SLC13A4: variants seen among roughly 807,000 people sequenced by gnomAD.
SLC13A4 encodes the protein Na(+)/sulfate cotransporter SUT-1.
A neutral mutation model predicts 72.7 loss-of-function variants in SLC13A4; 28 were observed. That is an observed-to-expected ratio of 0.39 (90% CI 0.29 to 0.53). The LOEUF (loss-of-function observed/expected upper bound fraction) is 0.53, where lower values mean the gene tolerates loss of function less well. Ranked by LOEUF, SLC13A4 falls within the 20% of genes least tolerant of loss-of-function variation. SLC13A4 has a pLI of 0.78. For missense variants in SLC13A4, 653 were observed against 788.0 expected (o/e 0.83, Z 2.05); for synonymous variants, 312 against 325.5 (o/e 0.96, Z 0.45).
rs921183664 is a variant in SLC13A4, at chr7:135,708,379, G to T, written c.229-129C>A. On this transcript the variant is annotated intron_variant, in intron 2 of 15. Transcript: ENST00000682651. ...AAAGAGGCTGGCGAAGGGGAGGCAG[G>T]GGGGTGAGGATTATTGAAATAGCCG... 2.3e-5 allele frequency: 29 copies of T among 1,283,426 alleles called. No individual in the cohort carries two copies. The East Asian group carries it at 6.6e-4, about 29-fold the overall frequency. The allele number at this position is 1,283,426 out of a possible 1,614,324, so 79.5% of individuals were successfully genotyped here. A position where few individuals can be genotyped will look rare whatever the true frequency, so the allele number is the denominator to read the frequency against.
At chr7:135,718,989 A>T (rs1051403219) in intron 2 of SLC13A4, among the ~76,000 whole-genome samples, 2 of 152,236 alleles carry the variant, frequency 1.3e-5, no homozygotes, top group Non-Finnish European at 2.9e-5. Context: ...TATTTGGACT[A>T]AGCTGCTCCC....
At chr7:135,692,681 A>C in intron 10 of SLC13A4, 1 of 416,930 alleles carries the variant, frequency 2.4e-6, no homozygotes, top group South Asian at 3.2e-5. Flanking sequence ...TTTGTAAAAT[A>C]ATTTCAAATA....
At chr7:135,681,836 T>C in intron 15 of SLC13A4, 136 bp from the exon 16 acceptor site, 1 of 1,217,106 alleles carries the variant, frequency 8.2e-7, no homozygotes, top group Non-Finnish European at 1.1e-6. Flanking sequence ...TGCTCTAGCA[T>C]TGCCTTGTAG....
chr7:135,695,278 C>T (rs1023565893), intron 9 of SLC13A4, 90 bp downstream of exon 9: 3 of 1,560,962 alleles, frequency 1.9e-6, no homozygotes, highest in Non-Finnish European at 1.7e-6. Context: ...TTGGCAGTCC[C>T]CCTTGCACAG....
At chr7:135,708,737 A>G (rs1465689434) in intron 2 of SLC13A4, among the ~76,000 whole-genome samples, 1 of 152,112 alleles carries the variant, frequency 6.6e-6, no homozygotes, top group Admixed American at 6.5e-5. Context: ...AAATATAAAA[A>G]AAGTTAAAGA....
chr7:135,701,566 G>T, intron 7 of SLC13A4, 114 bp downstream of exon 7: 1 of 1,006,418 alleles, frequency 9.9e-7, no homozygotes, highest in South Asian at 1.4e-5. Context: ...AGTAATGAGT[G>T]CCTGGTGACA....
rs1795498800 is a variant in SLC13A4 at position 135,681,463 on chromosome 7, T to A, written c.*100A>T. On this transcript the variant is annotated 3_prime_UTR_variant, in exon 16 of 16. Transcript: ENST00000682651. ...GATGCCCTCCGGCGTGGGTCTGGGG[T>A]TGTGTGCTCCTGGTGGTCCTAGTGG... is the stretch of plus-strand genomic sequence containing the variant. 6.1e-6 allele frequency: 9 copies of A among 1,479,350 alleles called. No homozygotes were observed. The East Asian group carries it at 2.1e-4, about 34-fold the overall frequency. The allele number at this position is 1,479,350 out of a possible 1,614,324, so 91.6% of individuals were successfully genotyped here. A position where few individuals can be genotyped will look rare whatever the true frequency, so the allele number is the denominator to read the frequency against.
chr7:135,683,297 A>C (rs1795545732), intron 15 of SLC13A4: 1 of 131,726 alleles, frequency 7.6e-6, no homozygotes, highest in Non-Finnish European at 1.4e-5. Flanking sequence ...ATTCTGTCTC[A>C]AAAAAAAAAA....
intron 8 of SLC13A4, among the ~76,000 whole-genome samples, chr7:135,698,822 A>G (rs953910647): frequency 6.6e-6 from 1 of 151,168 alleles, no homozygotes; most frequent in South Asian, 2.1e-4. Context: ...TTTAGTAGAG[A>G]CGGAGTTTCA....
rs1364177363 is a variant in SLC13A4, at chr7:135,707,969, G to A, written c.365+145C>T. 4.4e-6 allele frequency: 4 copies of A among 907,426 alleles called. No individual in the cohort carries two copies. In the South Asian group the frequency reaches 5.1e-5, roughly 11 times the overall value. 56.2% of individuals were successfully genotyped at this position (907,426 alleles called of 1,614,324 possible). On this transcript the variant is annotated intron_variant, in intron 3 of 15. Transcript: ENST00000682651. ...TGATCACAGGCCCTCTCCCTGGACG[G>A]GTCCTATGGCTCTGGTGTCAGCCCG...
rs1273711854 is a variant in SLC13A4, at chr7:135,702,901, G to A, written c.594-17C>T. 1.9e-6 allele frequency: 3 copies of A among 1,608,266 alleles called. No individual in the cohort carries two copies. Among genetic ancestry groups the A allele is most frequent in the South Asian group, 1.1e-5 (1 of 90,954 alleles). On this transcript the variant is annotated splice_polypyrimidine_tract_variant and intron_variant, in intron 5 of 15. Coordinates refer to ENST00000682651, the MANE Select transcript of SLC13A4 (RefSeq NM_001318192.2). Reference sequence around the variant, plus strand: ...TTGGACCTGCTGGAACCAAGCAGAGGACACAGGAGCCACGTCAGTGAGGCC... The same window carrying A: ...TTGGACCTGCTGGAACCAAGCAGAGAACACAGGAGCCACGTCAGTGAGGCC...
intron 14 of SLC13A4, 33 bp from the exon 15 acceptor site, chr7:135,684,294 G>A: frequency 6.4e-7 from 1 of 1,570,806 alleles, no homozygotes; most frequent in Non-Finnish European, 8.7e-7. Context: ...ACATTCACGA[G>A]ATTAGGCTTG....
intron 7 of SLC13A4, among the ~76,000 whole-genome samples, chr7:135,699,867 A>T (rs1795991751): frequency 6.6e-6 from 1 of 152,170 alleles, no homozygotes; most frequent in African/African-American, 2.4e-5. Context: ...GTTATTATTG[A>T]CAGCATGGGT....
At chr7:135,712,350 A>T (rs1796323014) in intron 2 of SLC13A4, among the ~76,000 whole-genome samples, 1 of 151,646 alleles carries the variant, frequency 6.6e-6, no homozygotes, top group African/African-American at 2.4e-5. Flanking sequence ...GTTTGTGATT[A>T]CAGAGGTAAC....
chr7:135,687,188 A>C (rs1383118268), intron 13 of SLC13A4, among the ~76,000 whole-genome samples: 6 of 152,210 alleles, frequency 3.9e-5, no homozygotes, highest in Admixed American at 3.9e-4. Flanking sequence ...GTTTTGTATT[A>C]AAAACTCCAG....
At chr7:135,707,206 A>G (rs1377678396) in intron 3 of SLC13A4, among the ~76,000 whole-genome samples, 6 of 152,146 alleles carry the variant, frequency 3.9e-5, no homozygotes, top group Non-Finnish European at 8.8e-5. Context: ...AGAGGATAAA[A>G]ATTCTTGCAG....
chr7:135,696,222 C>T lies in SLC13A4; in HGVS notation c.900-735G>A, dbSNP rs1262472489. Among the ~76,000 whole-genome samples the T allele has an allele frequency of 3.9e-5, 6 of 152,284 alleles. No individual in the cohort carries two copies. In the East Asian group the frequency reaches 1.2e-3, roughly 29 times the overall value. On this transcript the variant is annotated intron_variant, in intron 8 of 15. Transcript: ENST00000682651. ...AAAACTCCTCAAGTTGTGAGACATC[C>T]CTCTATCAGTGATCCCTTCTCCCAG...
intron 7 of SLC13A4, 70 bp downstream of exon 7, chr7:135,701,610 C>T (rs934007649): frequency 6.8e-7 from 1 of 1,473,060 alleles, no homozygotes; most frequent in Non-Finnish European, 9.5e-7. Context: ...GACTTCAAGA[C>T]CAGTGCCCTT....
At chr7:135,716,075 G>C (rs1796428064) in intron 2 of SLC13A4, among the ~76,000 whole-genome samples, 1 of 152,126 alleles carries the variant, frequency 6.6e-6, no homozygotes, top group Non-Finnish European at 1.5e-5. Flanking sequence ...TACAGAACGG[G>C]AAATTCCTTT....
Sources: allele counts gnomAD v4.1 joint callset (sites outside exome capture counted in the v4.1 genomes callset), GRCh38; gene constraint gnomAD v4.1.1; transcripts MANE v1.5; gene names NCBI Gene and HGNC (gene_info 2026-07-23, HGNC 2026-07-21).